The following PBX4 variants were observed in gnomAD, a reference collection of about 807,000 sequenced individuals.
The protein encoded by PBX4 is PBX homeobox 4.
Under a neutral mutation model 35.1 loss-of-function variants are expected in PBX4, and 26 were observed. The observed-to-expected ratio is 0.74, with a 90% CI of 0.54 to 1.03. PBX4 has a LOEUF of 1.03. Among genes scored for constraint, PBX4 ranks in the 50% least tolerant of loss-of-function variants. The probability of loss-of-function intolerance (pLI) is 0.00; values close to 1 mark genes in which losing one functional copy is unlikely to be tolerated. For missense variants in PBX4, 448 were observed against 504.3 expected (o/e 0.89, Z 1.07); for synonymous variants, 199 against 204.2 (o/e 0.97, Z 0.22).
chr19:19,587,428 A>C (rs1453299715), intron 2 of PBX4, among the ~76,000 whole-genome samples: 1 of 151,340 alleles, frequency 6.6e-6, no homozygotes, highest in Admixed American at 6.6e-5. Flanking sequence ...TCTCTACTAA[A>C]AATACAAAAA....
At chr19:19,588,118 G>C in intron 2 of PBX4, 7 of 1,025,370 alleles carry the variant, frequency 6.8e-6, no homozygotes, top group Non-Finnish European at 1.1e-5. Flanking sequence ...TATTTTTTGC[G>C]TTCATAGAAG....
At chr19:19,609,043 A>G (rs984070778) in intron 1 of PBX4, among the ~76,000 whole-genome samples, 6 of 152,204 alleles carry the variant, frequency 3.9e-5, no homozygotes, top group Admixed American at 2.0e-4. Flanking sequence ...AGTGTCCTGT[A>G]AAGCCCGAGC....
intron 2 of PBX4, among the ~76,000 whole-genome samples, chr19:19,581,956 G>T (rs553217230): frequency 6.6e-6 from 1 of 152,126 alleles, no homozygotes; most frequent in African/African-American, 2.4e-5. Context: ...AAGTGGTACC[G>T]CCTGATTCCC....
At chr19:19,579,083 G>T (rs750496420) in intron 2 of PBX4, among the ~76,000 whole-genome samples, 10 of 152,160 alleles carry the variant, frequency 6.6e-5, no homozygotes, top group Non-Finnish European at 1.2e-4. Flanking sequence ...GGGCGTGGTG[G>T]CTCATACCTG....
At chr19:19,615,148 G>A (rs1343355958) in intron 1 of PBX4, among the ~76,000 whole-genome samples, 1 of 115,880 alleles carries the variant, frequency 8.6e-6, no homozygotes, top group Non-Finnish European at 1.6e-5. Flanking sequence ...CTGGGTGACA[G>A]AGTGAGACCC....
At chr19:19,568,662 T>C (rs1215600010) in intron 5 of PBX4, among the ~76,000 whole-genome samples, 1 of 151,454 alleles carries the variant, frequency 6.6e-6, no homozygotes, top group African/African-American at 2.4e-5. Flanking sequence ...AAGCTCACAC[T>C]CCGTCTGTAT....
rs376360726 is a variant in PBX4, at chr19:19,569,598, C to A, written c.633-14G>T. 3.7e-6 allele frequency: 6 copies of A among 1,612,448 alleles called. No individual in the cohort carries two copies. Among genetic ancestry groups the A allele is most frequent in the Non-Finnish European group, 5.1e-6 (6 of 1,179,278 alleles). On this transcript the variant is annotated splice_polypyrimidine_tract_variant and intron_variant, in intron 4 of 7. Transcript: ENST00000251203. ...CGCCGCTTGCGCCTGCAAAAACAGC[C>A]GCCTTCGTAGGCATTAATATGCTGG...
intron 1 of PBX4, among the ~76,000 whole-genome samples, chr19:19,602,435 G>C (rs1243520999): frequency 1.3e-5 from 2 of 151,890 alleles, no homozygotes; most frequent in Non-Finnish European, 2.9e-5. Flanking sequence ...AAAAGACAGG[G>C]TGTGTGTTAA....
At chr19:19,615,434 A>G (rs1401475117) in intron 1 of PBX4, among the ~76,000 whole-genome samples, 1 of 152,162 alleles carries the variant, frequency 6.6e-6, no homozygotes, top group East Asian at 1.9e-4. Context: ...AAGTGTCAAC[A>G]TTCCCTGAGA....
chr19:19,611,387 T>C (rs960547422), intron 1 of PBX4, among the ~76,000 whole-genome samples: 1 of 151,884 alleles, frequency 6.6e-6, no homozygotes, highest in South Asian at 2.1e-4. Flanking sequence ...AAAAATCAAA[T>C]TAAAAAGAGA....
intron 2 of PBX4, among the ~76,000 whole-genome samples, chr19:19,594,666 C>T (rs1241385055): frequency 2.6e-5 from 4 of 152,160 alleles, no homozygotes; most frequent in African/African-American, 9.7e-5. Flanking sequence ...CGTTCAGCCC[C>T]AGCAGCTCAC....
intron 2 of PBX4, among the ~76,000 whole-genome samples, chr19:19,596,312 C>A (rs983510474): frequency 4.0e-5 from 6 of 151,834 alleles, no homozygotes; most frequent in African/African-American, 1.2e-4. Context: ...ATGCTTGAAC[C>A]TGGGAGGCTG....
chr19:19,599,425 GAGTAAAGATCTT>G, intron 1 of PBX4, 60 bp from the exon 2 acceptor site: 1 of 1,431,412 alleles, frequency 7.0e-7, no homozygotes, highest in Non-Finnish European at 9.8e-7. Flanking sequence ...TTGTCCCCAA[GAGTAAAGATCTT>G]CCATACTGAG....
chr19:19,570,389 C>A (rs953559691), intron 3 of PBX4, 90 bp from the exon 4 acceptor site: 21 of 1,471,642 alleles, frequency 1.4e-5, no homozygotes, highest in Admixed American at 2.1e-5. Flanking sequence ...CCGCCTGCCA[C>A]CCCCTGTAGT....
At chr19:19,591,761 C>T (rs1371334271) in intron 2 of PBX4, among the ~76,000 whole-genome samples, 2 of 152,254 alleles carry the variant, frequency 1.3e-5, no homozygotes, top group East Asian at 1.9e-4. Context: ...CACATTCCAA[C>T]GTGCCAGGCT....
intron 1 of PBX4, chr19:19,608,503 A>G (rs1225733774): frequency 6.6e-6 from 1 of 152,308 alleles, no homozygotes; most frequent in Non-Finnish European, 1.5e-5. Context: ...ACACTGTACA[A>G]GTCTGGAACA....
intron 1 of PBX4, chr19:19,608,249 G>A (rs1483657350): frequency 6.6e-6 from 1 of 152,100 alleles, no homozygotes; most frequent in East Asian, 1.9e-4. Context: ...AGCTACTCAG[G>A]AGGCTATGAC....
chr19:19,617,090 G>A (rs2061692644), intron 1 of PBX4, among the ~76,000 whole-genome samples: 1 of 152,164 alleles, frequency 6.6e-6, no homozygotes, highest in African/African-American at 2.4e-5. Context: ...CTCTGAAGGT[G>A]CTGTCCTCTC....
chr19:19,607,437 C>T (rs1207292865), intron 1 of PBX4, among the ~76,000 whole-genome samples: 2 of 152,070 alleles, frequency 1.3e-5, no homozygotes, highest in Non-Finnish European at 2.9e-5. Context: ...AAATTGACTT[C>T]CAAGGAGTCT....
Sources: gnomAD v4.1 joint callset for allele counts (sites outside exome capture counted in the v4.1 genomes callset) on GRCh38, gnomAD v4.1.1 for gene constraint, MANE v1.5 for transcripts, NCBI Gene and HGNC (gene_info 2026-07-23, HGNC 2026-07-21) for gene names.